The following TBC1D32 variants were observed in gnomAD, a reference collection of about 807,000 sequenced individuals.
TBC1D32 encodes TBC1 domain family member 32, also known as protein broad-minded.
TBC1D32 carries 151 observed loss-of-function variants against 170.3 expected under a neutral mutation model. That is an observed-to-expected ratio of 0.89 (90% CI 0.78 to 1.01). TBC1D32 has a LOEUF of 1.01. Ranked by LOEUF, TBC1D32 falls within the 50% of genes least tolerant of loss-of-function variation. TBC1D32 has a pLI of 0.00. For missense variants in TBC1D32, 1,464 were observed against 1,457.1 expected, an observed-to-expected ratio of 1.00 and a Z score of -0.08; for synonymous variants, 498 against 488.0, an observed-to-expected ratio of 1.02 and a Z score of -0.27.
At chr6:121,112,326 A>T (rs1779274787) in intron 29 of TBC1D32, 179 bp downstream of exon 29, 1 of 468,520 alleles carries the variant, frequency 2.1e-6, no homozygotes, top group Non-Finnish European at 3.5e-6. Context: ...TAAGACACCA[A>T]GTATTTGAGA....
intron 22 of TBC1D32, among the ~76,000 whole-genome samples, chr6:121,172,956 G>A (rs1011673783): frequency 6.6e-6 from 1 of 152,090 alleles, no homozygotes; most frequent in African/African-American, 2.4e-5. Context: ...AGATGTTTAT[G>A]AGCTCACACT....
intron 24 of TBC1D32, 131 bp from the exon 25 acceptor site, chr6:121,131,883 C>CT: frequency 1.7e-6 from 1 of 592,080 alleles, no homozygotes; most frequent in Non-Finnish European, 2.7e-6. Flanking sequence ...AACAGATATT[C>CT]TTCTGTAATT....
chr6:121,219,611 G>A (rs767191365), intron 21 of TBC1D32, among the ~76,000 whole-genome samples: 2 of 152,152 alleles, frequency 1.3e-5, no homozygotes, highest in South Asian at 2.1e-4. Context: ...ATACCTCTAA[G>A]ACAGCCTACT....
At chr6:121,282,791 C>A (rs1803215870) in intron 13 of TBC1D32, among the ~76,000 whole-genome samples, 2 of 151,514 alleles carry the variant, frequency 1.3e-5, no homozygotes, top group African/African-American at 2.4e-5. Flanking sequence ...GTATTTAGAA[C>A]AAAGAAAGAT....
intron 26 of TBC1D32, among the ~76,000 whole-genome samples, chr6:121,124,504 G>T (rs1447271514): frequency 6.6e-6 from 1 of 151,834 alleles, no homozygotes; most frequent in African/African-American, 2.4e-5. Flanking sequence ...ATGTATTGGG[G>T]TATTCTTATT....
At chr6:121,244,909 C>T (rs1797415792) in intron 17 of TBC1D32, among the ~76,000 whole-genome samples, 1 of 152,160 alleles carries the variant, frequency 6.6e-6, no homozygotes, top group Non-Finnish European at 1.5e-5. Flanking sequence ...GAAATCAGAA[C>T]ACTTGTCCTG....
intron 15 of TBC1D32, among the ~76,000 whole-genome samples, chr6:121,273,538 A>G (rs1180242918): frequency 6.6e-6 from 1 of 151,754 alleles, no homozygotes; most frequent in Non-Finnish European, 1.5e-5. Context: ...CCTAATGTAA[A>G]TGACGAGTTA....
Position 121,080,813 on chromosome 6 carries a change from C to G in TBC1D32, c.3732G>C (p.Val1244=), listed in dbSNP as rs1162818549. The G allele has an allele frequency of 4.3e-6, 7 of 1,613,810 alleles. No individual in the cohort carries two copies. The highest frequency in any genetic ancestry group is 5.9e-6 in the Non-Finnish European group (7 of 1,179,920). Residue 1244 remains valine (V), a synonymous_variant, in exon 32 of 32, where the codon GTG becomes GTC. Transcript: ENST00000398212. ...TAATGTTCCGCATGTCTCTCAGCAGCACTGTTCGGTAGTTTTGTTCCAAAA... is the reference window on the plus strand; with the variant it reads ...TAATGTTCCGCATGTCTCTCAGCAGGACTGTTCGGTAGTTTTGTTCCAAAA... The part of the protein sequence containing the change: ...MEILEQNYRT[V]LLRDMRNIRL...
intron 24 of TBC1D32, among the ~76,000 whole-genome samples, chr6:121,149,066 C>T (rs185651343): frequency 1.1e-4 from 17 of 152,148 alleles, no homozygotes; most frequent in Non-Finnish European, 1.5e-4. Context: ...CTTTTGAAAA[C>T]TGTCTGTTCA....
At chr6:121,213,670 A>G in intron 21 of TBC1D32, among the ~76,000 whole-genome samples, 1 of 152,130 alleles carries the variant, frequency 6.6e-6, no homozygotes, top group Non-Finnish European at 1.5e-5. Context: ...ATGGAAACAC[A>G]TTCGATGCTT....
chr6:121,207,758 T>C (rs1292273004), intron 21 of TBC1D32, among the ~76,000 whole-genome samples: 1 of 152,182 alleles, frequency 6.6e-6, no homozygotes, highest in East Asian at 1.9e-4. Flanking sequence ...AATAACCTAC[T>C]AGGTCAGACT....
chr6:121,116,674 A>C (rs1056970667), intron 26 of TBC1D32, among the ~76,000 whole-genome samples: 2 of 152,216 alleles, frequency 1.3e-5, no homozygotes, highest in Admixed American at 6.5e-5. Context: ...TTCTATCAGG[A>C]AACACTGACC....
At chr6:121,127,792 A>C (rs1781012403) in intron 25 of TBC1D32, among the ~76,000 whole-genome samples, 1 of 152,178 alleles carries the variant, frequency 6.6e-6, no homozygotes, top group Non-Finnish European at 1.5e-5. Flanking sequence ...ATTAGTAACA[A>C]AGGTTATACA....
At chr6:121,091,622 T>C (rs532598930) in intron 30 of TBC1D32, among the ~76,000 whole-genome samples, 1 of 152,306 alleles carries the variant, frequency 6.6e-6, no homozygotes, top group East Asian at 1.9e-4. Context: ...ATAACATTTG[T>C]TCAGATTATA....
intron 15 of TBC1D32, among the ~76,000 whole-genome samples, chr6:121,267,851 C>G (rs975199926): frequency 6.6e-6 from 1 of 152,130 alleles, no homozygotes; most frequent in Non-Finnish European, 1.5e-5. Flanking sequence ...TGGCAGACAA[C>G]TCTCAGTAGG....
Position 121,283,808 on chromosome 6 carries a change from A to T in TBC1D32, c.1465+10T>A. 1 of 1,575,724 alleles carries T rather than the reference A, an allele frequency of 6.3e-7. No homozygotes were observed. The stretch of plus-strand genomic sequence containing the variant: ...TTATATTTCTCTATTTAAAATAGAA[A>T]CAGAATTACCTGAATGGGCAGCTGA... On this transcript the variant is annotated intron_variant, in intron 13 of 31. Coordinates refer to ENST00000398212, the MANE Select transcript of TBC1D32 (RefSeq NM_152730.6).
Position 121,106,055 on chromosome 6 carries a change from C to T in TBC1D32, c.3433G>A (p.Ala1145Thr). ...GGTGCAAAACCAGACATGTGAAAAGCTGAAAACACAAGAGGCAACTCAGCC... is the reference window on the plus strand; with the variant it reads ...GGTGCAAAACCAGACATGTGAAAAGTTGAAAACACAAGAGGCAACTCAGCC... ...LKAELPLVFSAFHMSGFAPSQ... is the reference protein window; with the variant it reads ...LKAELPLVFSTFHMSGFAPSQ... Residue 1145 changes from alanine (A) to threonine (T), a missense_variant, in exon 30 of 32, where the codon GCT becomes ACT. Transcript: ENST00000398212. 6.2e-7 allele frequency: 1 copy of T among 1,607,848 alleles called. No homozygotes were observed. The highest frequency in any genetic ancestry group is 8.5e-7 in the Non-Finnish European group (1 of 1,175,822).
Position 121,242,347 on chromosome 6 carries a change from A to G in TBC1D32, c.2019-8T>C. ...TTATCTTCCCAAGCCATACTGAAAT[A>G]GGTAAAAGAAAGGTAGAGCTTTCTT... On this transcript the variant is annotated splice_region_variant and splice_polypyrimidine_tract_variant and intron_variant, in intron 17 of 31. Coordinates refer to ENST00000398212, the MANE Select transcript of TBC1D32 (RefSeq NM_152730.6). The G allele has an allele frequency of 3.1e-6, 5 of 1,610,270 alleles. No homozygotes were observed. Among genetic ancestry groups the G allele is most frequent in the Non-Finnish European group, 4.2e-6 (5 of 1,178,754 alleles).
Position 121,321,775 on chromosome 6 carries a change from G to T in TBC1D32, c.175C>A (p.Leu59Ile), listed in dbSNP as rs1274018014. 1 of 1,609,138 alleles carries T rather than the reference G, an allele frequency of 6.2e-7. No homozygotes were observed. Among genetic ancestry groups the T allele is most frequent in the Non-Finnish European group, 8.5e-7 (1 of 1,178,452 alleles). The change falls in exon 2 of 32, where the codon CTC (leucine) becomes ATC (isoleucine). Residue 59 changes from leucine to isoleucine, a missense_variant. Physicochemically the swap from Leu to Ile is conservative, Grantham distance 5. Around this residue, in one of 3 missense-constraint regions of TBC1D32, gnomAD observed 1,363 missense variants for 1,338.1 expected, o/e 1.02. Transcript: ENST00000398212. Reference sequence around the variant, plus strand: ...AAAGTGTTGCCTATATGCTGCCTGAGGTATTTCACAAATTCATAGCTGAAA... The same window carrying T: ...AAAGTGTTGCCTATATGCTGCCTGATGTATTTCACAAATTCATAGCTGAAA... The part of the protein sequence containing the change: ...NFHNYEFVKY[L>I]RQHIGNTLGS...
Sources: allele counts gnomAD v4.1 joint callset (sites outside exome capture counted in the v4.1 genomes callset), GRCh38; gene constraint gnomAD v4.1.1; regional missense constraint gnomAD v4.1.1; transcripts MANE v1.5; gene names NCBI Gene and HGNC (gene_info 2026-07-23, HGNC 2026-07-21).